Variants in TAFA1 observed in about 807,000 individuals in gnomAD.
TAFA1 encodes the protein chemokine-like protein TAFA-1.
In TAFA1, 4 loss-of-function variants were observed where a neutral mutation model predicts 18.5. The observed-to-expected ratio is 0.22, with a 90% confidence interval of 0.11 to 0.49. The LOEUF is 0.49. Among genes scored for constraint, TAFA1 ranks in the 20% least tolerant of loss-of-function variants. The pLI is 0.98. For synonymous variants in TAFA1, 56 were observed against 55.2 expected, an observed-to-expected ratio of 1.01 and a Z score of -0.06; for missense variants, 147 against 169.0, an observed-to-expected ratio of 0.87 and a Z score of 0.72.
chr3:68,112,195 T>C (rs1250805794), intron 2 of TAFA1, among the ~76,000 whole-genome samples: 1 of 151,862 alleles, frequency 6.6e-6, no homozygotes, highest in Non-Finnish European at 1.5e-5. Context: ...CCAACAAAAC[T>C]CAAAAAAGGA....
At chr3:68,385,068 A>C (rs1042545410) in intron 2 of TAFA1, among the ~76,000 whole-genome samples, 15 of 151,442 alleles carry the variant, frequency 9.9e-5, no homozygotes, top group African/African-American at 3.6e-4. Context: ...TCCTGCTTCT[A>C]TAATTACTAA....
chr3:68,533,422 G>A (rs1368248913), intron 3 of TAFA1, among the ~76,000 whole-genome samples: 1 of 152,090 alleles, frequency 6.6e-6, no homozygotes, highest in Non-Finnish European at 1.5e-5. Flanking sequence ...CTCCCACAGG[G>A]TCCCTCCCAT....
chr3:68,450,576 A>G (rs2071553655), intron 3 of TAFA1, among the ~76,000 whole-genome samples: 1 of 152,206 alleles, frequency 6.6e-6, no homozygotes, highest in Non-Finnish European at 1.5e-5. Flanking sequence ...GGACCCTCCA[A>G]ACACCACTGC....
intron 3 of TAFA1, among the ~76,000 whole-genome samples, chr3:68,483,506 A>C (rs911637852): frequency 5.3e-5 from 8 of 152,104 alleles, no homozygotes. Flanking sequence ...CTTACCCACT[A>C]CCCTGCTTTA....
chr3:68,300,319 G>T (rs909410529), intron 2 of TAFA1, among the ~76,000 whole-genome samples: 1 of 152,190 alleles, frequency 6.6e-6, no homozygotes, highest in Non-Finnish European at 1.5e-5. Flanking sequence ...GACTGCCCAG[G>T]TGTAATTCAG....
At chr3:68,363,766 A>G (rs561769622) in intron 2 of TAFA1, among the ~76,000 whole-genome samples, 8 of 152,296 alleles carry the variant, frequency 5.3e-5, no homozygotes, top group African/African-American at 7.2e-5. Flanking sequence ...GGAATAACCA[A>G]TGAAATCTCC....
At chr3:68,470,852 C>T (rs1360411588) in intron 3 of TAFA1, among the ~76,000 whole-genome samples, 1 of 152,158 alleles carries the variant, frequency 6.6e-6, no homozygotes, top group Non-Finnish European at 1.5e-5. Context: ...GCATAAGTAA[C>T]AAGGAGTCAA....
intron 2 of TAFA1, among the ~76,000 whole-genome samples, chr3:68,198,592 AT>A (rs71112622): frequency 0.15 from 22,689 of 150,848 alleles, 1,947 homozygotes; most frequent in Middle Eastern, 0.2. Flanking sequence ...GTAATATCTA[AT>A]TTTTTTTTAA....
At chr3:68,402,639 G>C (rs867765416) in intron 2 of TAFA1, among the ~76,000 whole-genome samples, 4 of 152,094 alleles carry the variant, frequency 2.6e-5, no homozygotes, top group Admixed American at 6.6e-5. Flanking sequence ...CTGTAGATGT[G>C]AGGCACAGCC....
intron 2 of TAFA1, among the ~76,000 whole-genome samples, chr3:68,199,219 T>A (rs1307192692): frequency 6.6e-6 from 1 of 151,590 alleles, no homozygotes; most frequent in Non-Finnish European, 1.5e-5. Flanking sequence ...ATGATTTATT[T>A]GTGTATTCTT....
At chr3:68,392,176 CAAAAAAA>C (rs57440480) in intron 2 of TAFA1, among the ~76,000 whole-genome samples, 2 of 109,312 alleles carry the variant, frequency 1.8e-5, no homozygotes, top group African/African-American at 6.8e-5. Context: ...TTTAGGAAAG[CAAAAAAA>C]AAAAAAAAAA....
chr3:68,283,786 T>A (rs1459497431), intron 2 of TAFA1, among the ~76,000 whole-genome samples: 1 of 152,194 alleles, frequency 6.6e-6, no homozygotes, highest in Non-Finnish European at 1.5e-5. Context: ...TTCCTGCCTT[T>A]AAGAGCATGT....
intron 2 of TAFA1, among the ~76,000 whole-genome samples, chr3:68,405,000 T>C (rs922193930): frequency 6.6e-6 from 1 of 152,068 alleles, no homozygotes; most frequent in East Asian, 1.9e-4. Flanking sequence ...ATTTTTTCCA[T>C]TGGAAAAAAA....
At chr3:68,088,640 A>G (rs2064998700) in intron 2 of TAFA1, among the ~76,000 whole-genome samples, 1 of 152,208 alleles carries the variant, frequency 6.6e-6, no homozygotes, top group Non-Finnish European at 1.5e-5. Context: ...GGACCCTGTT[A>G]TGAATATTGA....
chr3:68,531,974 TA>T (rs1318588794), intron 3 of TAFA1, among the ~76,000 whole-genome samples: 1 of 152,234 alleles, frequency 6.6e-6, no homozygotes, highest in Non-Finnish European at 1.5e-5. Context: ...TTGCATTGAC[TA>T]TCTTAATTCA....
intron 2 of TAFA1, among the ~76,000 whole-genome samples, chr3:68,205,643 A>C (rs1422670852): frequency 6.6e-6 from 1 of 151,876 alleles, no homozygotes; most frequent in Non-Finnish European, 1.5e-5. Context: ...TCCTTCAACT[A>C]CTACATTTGT....
At chr3:68,317,366 G>A (rs898278987) in intron 2 of TAFA1, among the ~76,000 whole-genome samples, 1 of 152,306 alleles carries the variant, frequency 6.6e-6, no homozygotes, top group Non-Finnish European at 1.5e-5. Context: ...TATGTCAGCT[G>A]TAGCTTTTCT....
intron 2 of TAFA1, among the ~76,000 whole-genome samples, chr3:68,181,053 A>G (rs972805653): frequency 3.3e-5 from 5 of 152,234 alleles, no homozygotes; most frequent in Non-Finnish European, 7.3e-5. Context: ...ACCTTTGGCC[A>G]ACGGTCAGCA....
chr3:68,044,180 A>T (rs1393884308), intron 2 of TAFA1, among the ~76,000 whole-genome samples: 1 of 152,174 alleles, frequency 6.6e-6, no homozygotes, highest in Non-Finnish European at 1.5e-5. Context: ...CTTCTCTCCT[A>T]GTTCAGACTC....
Sources: allele counts gnomAD v4.1 joint callset (sites outside exome capture counted in the v4.1 genomes callset), GRCh38; gene constraint gnomAD v4.1.1; transcripts MANE v1.5; gene names NCBI Gene and HGNC (gene_info 2026-07-23, HGNC 2026-07-21).